PPP2R2D: variants seen among roughly 807,000 people sequenced by gnomAD.
The protein encoded by PPP2R2D is protein phosphatase 2 regulatory subunit Bdelta.
A neutral mutation model predicts 31.1 loss-of-function variants in PPP2R2D; 9 were observed. That is an observed-to-expected ratio of 0.29 (90% CI 0.17 to 0.51). PPP2R2D has a LOEUF of 0.51. PPP2R2D is among the 20% of genes least tolerant of loss of function. The pLI is 0.98. For synonymous variants in PPP2R2D, 179 were observed against 172.6 expected, an observed-to-expected ratio of 1.04 and a Z score of -0.29; for missense variants, 391 against 465.6, an observed-to-expected ratio of 0.84 and a Z score of 1.48.
chr10:131,905,487 CTG>C (rs2035567460), intron 2 of PPP2R2D, among the ~76,000 whole-genome samples: 1 of 152,226 alleles, frequency 6.6e-6, no homozygotes, highest in Non-Finnish European at 1.5e-5. Context: ...CTCTGGTAGA[CTG>C]AGCTCCTCAA....
At chr10:131,940,833 T>G (rs1240695547) in intron 5 of PPP2R2D, 139 bp downstream of exon 5, 2 of 567,038 alleles carry the variant, frequency 3.5e-6, no homozygotes, top group African/African-American at 1.9e-5. Flanking sequence ...GAAAGTCGTT[T>G]GCACTCATGT....
intron 3 of PPP2R2D, 114 bp downstream of exon 3, chr10:131,934,669 C>T: frequency 1.4e-6 from 1 of 691,726 alleles, no homozygotes; most frequent in South Asian, 1.6e-5. Flanking sequence ...AGATTCAGTT[C>T]CATCACATTA....
chr10:131,916,726 C>T (rs868924766), intron 2 of PPP2R2D, among the ~76,000 whole-genome samples: 1,100 of 82,002 alleles, frequency 0.013, 2 homozygotes, highest in African/African-American at 0.047. Flanking sequence ...CTCAGGCAGG[C>T]GGAATGACAC....
intron 2 of PPP2R2D, among the ~76,000 whole-genome samples, chr10:131,907,576 TA>T (rs1370056749): frequency 1.3e-5 from 2 of 151,496 alleles, no homozygotes; most frequent in Admixed American, 1.3e-4. Context: ...CCGTCTCTAC[TA>T]AAAAAAATAC....
At position 131,958,980 on chromosome 10, in the gene PPP2R2D, G is replaced by A. The variant is rs1406442333; in HGVS notation, c.*3017G>A. On this transcript the variant is annotated 3_prime_UTR_variant, in exon 9 of 9. Coordinates refer to ENST00000455566, the MANE Select transcript of PPP2R2D (RefSeq NM_018461.5). ...TGGAGATGAAGGCGTGTGCTGATCC[G>A]CCATCCCACTGTGGAGATGAAGGCG... 2 of 69,060 alleles carry A rather than the reference G, an allele frequency of 2.9e-5. No individual in the cohort carries two copies. The highest frequency in any genetic ancestry group is 3.1e-4 in the South Asian group (1 of 3,182). 4.3% of individuals were successfully genotyped at this position (69,060 alleles called of 1,614,324 possible). A position where few individuals can be genotyped will look rare whatever the true frequency, so the allele number is the denominator to read the frequency against.
rs540575752 is a variant in PPP2R2D, at chr10:131,922,420, C to G, written c.101-12038C>G. 8.7e-4 allele frequency among the ~76,000 whole-genome samples: 131 copies of G among 151,094 alleles called. 1 individual carries two copies. The highest frequency in any genetic ancestry group is 3.0e-3 in the African/African-American group (122 of 41,148). On this transcript the variant is annotated intron_variant, in intron 2 of 8. Transcript: ENST00000455566. Reference sequence around the variant, plus strand: ...CACAATGTATGTATACTTTAGACATCATGTTGTACATGATACATACTTATC... The same window carrying G: ...CACAATGTATGTATACTTTAGACATGATGTTGTACATGATACATACTTATC...
At chr10:131,953,422 G>A (rs1445422637) in intron 8 of PPP2R2D, among the ~76,000 whole-genome samples, 1 of 109,866 alleles carries the variant, frequency 9.1e-6, no homozygotes, top group Non-Finnish European at 1.8e-5. Flanking sequence ...GTGACTTGCG[G>A]GGGGTCCCTG....
chr10:131,918,815 A>C lies in PPP2R2D; in HGVS notation c.101-15643A>C, dbSNP rs554000529. ...GGACCTCACGCGGGTGGAATGACACAGTGTGGGGACCTCACGGGGGTGGAA... is the reference window on the plus strand; with the variant it reads ...GGACCTCACGCGGGTGGAATGACACCGTGTGGGGACCTCACGGGGGTGGAA... On this transcript the variant is annotated intron_variant, in intron 2 of 8. Coordinates refer to ENST00000455566, the MANE Select transcript of PPP2R2D (RefSeq NM_018461.5). Among the ~76,000 whole-genome samples the C allele has an allele frequency of 2.3e-5, 3 of 132,926 alleles. No individual in the cohort carries two copies. In the East Asian group the frequency reaches 7.7e-4, roughly 34 times the overall value. 87.2% of individuals were successfully genotyped at this position (132,926 alleles called of 152,430 possible).
chr10:131,956,641 CCTT>C lies in PPP2R2D; in HGVS notation c.*682_*684del. 3 of 865,062 alleles carry C rather than the reference CCTT, an allele frequency of 3.5e-6. No homozygotes were observed. Among genetic ancestry groups the C allele is most frequent in the Non-Finnish European group, 4.2e-6 (3 of 720,328 alleles). The allele number at this position is 865,062 out of a possible 1,614,324, so 53.6% of individuals were successfully genotyped here. A position where few individuals can be genotyped will look rare whatever the true frequency, so the allele number is the denominator to read the frequency against. Reference sequence around the variant, plus strand: ...AACTAACTGTTTGAGAAATGTGTGTCCTTCTTTGGCAGCGTGGGGGTATGTGTG... The same window carrying C: ...AACTAACTGTTTGAGAAATGTGTGTCCTTTGGCAGCGTGGGGGTATGTGTG... On this transcript the variant is annotated 3_prime_UTR_variant, in exon 9 of 9. Coordinates refer to ENST00000455566, the MANE Select transcript of PPP2R2D (RefSeq NM_018461.5).
chr10:131,952,023 G>A (rs1247776346), intron 8 of PPP2R2D, among the ~76,000 whole-genome samples: 2 of 151,652 alleles, frequency 1.3e-5, no homozygotes, highest in African/African-American at 4.8e-5. Context: ...AGTGACTTGC[G>A]GGTGTGCAGG....
Position 131,955,878 on chromosome 10 carries a change from T to G in PPP2R2D, c.1277T>G (p.Leu426Arg), listed in dbSNP as rs1326110834. Residue 426 changes from leucine to arginine, a missense_variant, in exon 9 of 9, where the codon CTG becomes CGG. This residue lies in a region of PPP2R2D where 163 missense variants were observed against 179.5 expected (regional missense o/e 0.91). Transcript: ENST00000455566. The stretch of plus-strand genomic sequence containing the variant: ...AGTCTGGACTTCAACAAGAAGATCC[T>G]GCACACAGCCTGGCACCCCGTGGAC... ...VDSLDFNKKI[L>R]HTAWHPVDNV... 1.9e-6 allele frequency: 3 copies of G among 1,608,540 alleles called. No homozygotes were observed. The highest frequency in any genetic ancestry group is 2.5e-6 in the Non-Finnish European group (3 of 1,177,138).
At chr10:131,911,600 A>G (rs909209361) in intron 2 of PPP2R2D, 43,823 of 152,248 alleles carry the variant, frequency 0.29, 6,456 homozygotes, top group East Asian at 0.46. Context: ...GCCACAGATC[A>G]TGCTGAGCCG....
chr10:131,909,901 AAAC>A (rs1402543607), intron 2 of PPP2R2D, among the ~76,000 whole-genome samples: 2 of 152,264 alleles, frequency 1.3e-5, no homozygotes, highest in African/African-American at 4.8e-5. Flanking sequence ...AACTTTTCAA[AAAC>A]AAAAAGATTA....
At chr10:131,904,699 G>A (rs904752255) in intron 2 of PPP2R2D, among the ~76,000 whole-genome samples, 42 of 152,276 alleles carry the variant, frequency 2.8e-4, no homozygotes, top group Admixed American at 2.6e-4. Context: ...CACTCTGGCC[G>A]TCTTTCTGCC....
the PPP2R2D span, chr10:131,966,556 C>T: frequency 5.3e-5 from 8 of 152,204 alleles, no homozygotes; most frequent in Non-Finnish European, 1.2e-4. Flanking sequence ...TAAAGCACTC[C>T]AGTCCCAGAG....
At chr10:131,929,950 G>A (rs1461265954) in intron 2 of PPP2R2D, among the ~76,000 whole-genome samples, 1 of 152,054 alleles carries the variant, frequency 6.6e-6, no homozygotes, top group East Asian at 1.9e-4. Context: ...TTTTCATTCC[G>A]TGGTTTCGAA....
At chr10:131,963,261 C>A (rs1554901742), downstream of PPP2R2D, among the ~76,000 whole-genome samples, 2 of 152,192 alleles carry the variant, frequency 1.3e-5, no homozygotes, top group Non-Finnish European at 2.9e-5. Context: ...AATTTGTTAT[C>A]CAAACCTAAA....
chr10:131,906,665 A>G (rs909713662), intron 2 of PPP2R2D, among the ~76,000 whole-genome samples: 4 of 151,948 alleles, frequency 2.6e-5, no homozygotes, highest in African/African-American at 7.2e-5. Flanking sequence ...TCACGCCTGT[A>G]GTCTCAGCAC....
At chr10:131,964,439 G>A (rs1351768615), downstream of PPP2R2D, among the ~76,000 whole-genome samples, 1 of 151,446 alleles carries the variant, frequency 6.6e-6, no homozygotes, top group Non-Finnish European at 1.5e-5. Flanking sequence ...CTTTTGTTGA[G>A]TGGCACTTGG....
Sources: allele counts gnomAD v4.1 joint callset (sites outside exome capture counted in the v4.1 genomes callset), GRCh38; gene constraint gnomAD v4.1.1; regional missense constraint gnomAD v4.1.1; transcripts MANE v1.5; gene names NCBI Gene and HGNC (gene_info 2026-07-23, HGNC 2026-07-21).